AFF2: variants seen among roughly 807,000 people sequenced by gnomAD.
AFF2 encodes AF4/FMR2 family member 2.
In AFF2, 14 loss-of-function variants were observed where a neutral mutation model predicts 76.9. That is an observed-to-expected ratio of 0.18 (90% CI 0.12 to 0.28). AFF2 has a LOEUF of 0.28. AFF2 is among the 10% of genes least tolerant of loss of function. AFF2 has a pLI of 1.00. For synonymous variants in AFF2, 398 were observed against 366.7 expected (o/e 1.09, Z -0.98); for missense variants, 868 against 1,001.1 (o/e 0.87, Z 1.79).
intron 1 of AFF2, among the ~76,000 whole-genome samples, chrX:148,633,177 A>C (rs1557253260): frequency 9.0e-6 from 1 of 111,306 alleles, no homozygotes. Flanking sequence ...GTAGTATTAA[A>C]CTCTGAGGTC....
chrX:148,761,407 A>G (rs73605934), intron 3 of AFF2, among the ~76,000 whole-genome samples: 2,771 of 108,951 alleles, frequency 0.025, 110 homozygotes, highest in African/African-American at 0.089. Flanking sequence ...TTTACAAACA[A>G]TTACTAAAGA....
chrX:148,875,898 T>C (rs2071030637), intron 7 of AFF2, among the ~76,000 whole-genome samples: 1 of 111,697 alleles, frequency 9.0e-6, no homozygotes, highest in African/African-American at 3.3e-5. Flanking sequence ...TTTGATGATA[T>C]ATAGTTCAGT....
chrX:148,839,951 T>C (rs1347530944), intron 5 of AFF2, among the ~76,000 whole-genome samples: 1 of 107,446 alleles, frequency 9.3e-6, no homozygotes, highest in Non-Finnish European at 1.9e-5. Flanking sequence ...GTATACACTA[T>C]ATAATCCCAA....
rs1156735482 is a variant in AFF2 at position 148,581,411 on chromosome X, C to CAT, written c.48-70584_48-70583dup. Among the ~76,000 whole-genome samples the CAT allele has an allele frequency of 7.1e-3, 345 of 48,541 alleles. 64 individuals are homozygous for CAT. Among genetic ancestry groups the CAT allele is most frequent in the African/African-American group, 0.02 (322 of 15,964 alleles). The allele number at this position is 48,541 out of a possible 115,157, so 42.2% of individuals were successfully genotyped here. ...ACGTATATACGTATACGTGTACACACATATACGTATACGTCTACGTGTACA... is the reference window on the plus strand; with the variant it reads ...ACGTATATACGTATACGTGTACACACATATATACGTATACGTCTACGTGTACA... On this transcript the variant is annotated intron_variant, in intron 1 of 20. Coordinates refer to ENST00000370460, the MANE Select transcript of AFF2 (RefSeq NM_002025.4).
chrX:148,862,574 A>C (rs1034092679), intron 7 of AFF2, among the ~76,000 whole-genome samples: 6 of 111,233 alleles, frequency 5.4e-5, no homozygotes, highest in African/African-American at 2.0e-4. Flanking sequence ...AGTCCCTCTG[A>C]AACAGCCAAA....
intron 7 of AFF2, among the ~76,000 whole-genome samples, chrX:148,849,381 C>A (rs1452007576): frequency 2.0e-4 from 8 of 40,159 alleles, no homozygotes; most frequent in South Asian, 2.9e-3. Flanking sequence ...CCCCCCCCCC[C>A]CCCCCGCTGA....
At chrX:148,647,064 T>A (rs1194982021) in intron 1 of AFF2, among the ~76,000 whole-genome samples, 4 of 112,443 alleles carry the variant, frequency 3.6e-5, no homozygotes, top group African/African-American at 1.3e-4. Flanking sequence ...AAGTATCACC[T>A]GACACTCTGG....
intron 1 of AFF2, among the ~76,000 whole-genome samples, chrX:148,619,155 G>A (rs1292579430): frequency 9.0e-6 from 1 of 111,427 alleles, no homozygotes; most frequent in Non-Finnish European, 1.9e-5. Flanking sequence ...TCCACATGTA[G>A]CCTTGCATAC....
chrX:148,513,759 G>A (rs1557233437), intron 1 of AFF2, among the ~76,000 whole-genome samples: 2 of 111,077 alleles, frequency 1.8e-5, no homozygotes, highest in East Asian at 5.6e-4. Context: ...TTGAGGGTGG[G>A]GGAAGAGTTT....
At chrX:148,561,881 A>G (rs1007256808) in intron 1 of AFF2, among the ~76,000 whole-genome samples, 4 of 111,628 alleles carry the variant, frequency 3.6e-5, no homozygotes, top group Non-Finnish European at 7.5e-5. Flanking sequence ...ACTAAAAGAA[A>G]AAAAAAACAG....
intron 3 of AFF2, among the ~76,000 whole-genome samples, chrX:148,738,353 G>C (rs2055310645): frequency 9.0e-6 from 1 of 111,078 alleles, no homozygotes. Context: ...TAGGAGGGTT[G>C]TATTGTTCCA....
chrX:148,749,237 G>C (rs1945433318), intron 3 of AFF2, among the ~76,000 whole-genome samples: 1 of 108,558 alleles, frequency 9.2e-6, no homozygotes, highest in Admixed American at 9.7e-5. Context: ...ATTTAAACTA[G>C]TGAAATTTAC....
rs2072563819 is a variant in AFF2, at chrX:148,994,021, T to C, written c.*2689T>C. On this transcript the variant is annotated 3_prime_UTR_variant, in exon 21 of 21. Coordinates refer to ENST00000370460, the MANE Select transcript of AFF2 (RefSeq NM_002025.4). ...AAATGAATCTCTTCAGTATACCAGT[T>C]TGTGGGAGGGATATGAGACATGTGG... 8.9e-6 allele frequency: 1 copy of C among 111,884 alleles called. No individual in the cohort carries two copies. The highest frequency in any genetic ancestry group is 1.9e-5 in the Non-Finnish European group (1 of 53,101). 9.2% of individuals were successfully genotyped at this position (111,884 alleles called of 1,213,427 possible).
chrX:148,952,311 G>T (rs1480119291), intron 9 of AFF2, among the ~76,000 whole-genome samples: 1 of 111,868 alleles, frequency 8.9e-6, no homozygotes, highest in African/African-American at 3.3e-5. Flanking sequence ...ACAGGACCAG[G>T]TGACCTCCAG....
intron 9 of AFF2, among the ~76,000 whole-genome samples, chrX:148,905,609 G>A (rs782791029): frequency 2.7e-5 from 3 of 112,298 alleles, no homozygotes; most frequent in Non-Finnish European, 3.8e-5. Flanking sequence ...CCTTCAGTCC[G>A]CCTGCATGCA....
At chrX:148,903,879 C>G (rs914182735) in intron 8 of AFF2, among the ~76,000 whole-genome samples, 3 of 111,174 alleles carry the variant, frequency 2.7e-5, no homozygotes, top group Admixed American at 9.6e-5. Flanking sequence ...CCAAGCAGGT[C>G]CAAACACGGT....
chrX:148,643,679 A>G (rs1557255021), intron 1 of AFF2, among the ~76,000 whole-genome samples: 1 of 111,840 alleles, frequency 8.9e-6, no homozygotes, highest in African/African-American at 3.2e-5. Flanking sequence ...CATATGGAAG[A>G]GGACAAGGAA....
At chrX:148,579,238 A>T (rs782176228) in intron 1 of AFF2, among the ~76,000 whole-genome samples, 1 of 112,273 alleles carries the variant, frequency 8.9e-6, no homozygotes, top group Non-Finnish European at 1.9e-5. Flanking sequence ...CATACGCTGA[A>T]CTGAAAACCC....
intron 4 of AFF2, among the ~76,000 whole-genome samples, chrX:148,818,663 G>A (rs1366810429): frequency 1.8e-5 from 2 of 111,308 alleles, no homozygotes; most frequent in Admixed American, 1.9e-4. Context: ...GAAGCAGTCA[G>A]GGGAAAGTTC....
Sources: allele counts gnomAD v4.1 joint callset (sites outside exome capture counted in the v4.1 genomes callset), GRCh38; gene constraint gnomAD v4.1.1; transcripts MANE v1.5; gene names NCBI Gene and HGNC (gene_info 2026-07-23, HGNC 2026-07-21).